ATG3: variants seen among roughly 807,000 people sequenced by gnomAD.
ATG3 encodes autophagy related 3.
A neutral mutation model predicts 50.7 loss-of-function variants in ATG3; 25 were observed. That is an observed-to-expected ratio of 0.49 (90% confidence interval 0.36 to 0.69). The LOEUF is 0.69. Ranked by LOEUF, ATG3 falls within the 30% of genes least tolerant of loss-of-function variation. The pLI is 0.00. For synonymous variants in ATG3, 119 were observed against 125.5 expected (o/e 0.95, Z 0.34); for missense variants, 281 against 376.0 (o/e 0.75, Z 2.09).
chr3:112,552,991 C>T (rs933509633), intron 3 of ATG3, among the ~76,000 whole-genome samples: 21 of 152,262 alleles, frequency 1.4e-4, no homozygotes, highest in African/African-American at 4.6e-4. Flanking sequence ...TTCAAAGAAC[C>T]AGAAGGTCAG....
intron 2 of ATG3, among the ~76,000 whole-genome samples, chr3:112,554,553 C>A (rs953945399): frequency 1.1e-4 from 16 of 152,208 alleles, no homozygotes; most frequent in African/African-American, 3.9e-4. Context: ...CCCGCCTGCA[C>A]CCAGGTGAAA....
intron 2 of ATG3, among the ~76,000 whole-genome samples, chr3:112,553,831 A>G (rs1246345264): frequency 6.6e-6 from 1 of 152,160 alleles, no homozygotes; most frequent in Admixed American, 6.5e-5. Flanking sequence ...CTCTTTTATT[A>G]TTTTTAAAAA....
At chr3:112,536,338 G>T in intron 10 of ATG3, 137 bp downstream of exon 10, 2 of 973,590 alleles carry the variant, frequency 2.1e-6, no homozygotes, top group Non-Finnish European at 2.9e-6. Flanking sequence ...AAATTTCTAA[G>T]GAGGACAAGA....
At chr3:112,537,921 C>A in intron 8 of ATG3, 31 bp from the exon 9 acceptor site, 1 of 1,548,074 alleles carries the variant, frequency 6.5e-7, no homozygotes, top group South Asian at 1.2e-5. Flanking sequence ...AAATTTACAA[C>A]CATTAAATCG....
At chr3:112,544,313 C>T (rs559363272) in intron 5 of ATG3, among the ~76,000 whole-genome samples, 3 of 152,012 alleles carry the variant, frequency 2.0e-5, no homozygotes, top group African/African-American at 7.2e-5. Flanking sequence ...AATATTTTAC[C>T]ATGAATTACT....
intron 2 of ATG3, among the ~76,000 whole-genome samples, chr3:112,556,209 G>A (rs1183185131): frequency 1.3e-5 from 2 of 152,228 alleles, no homozygotes; most frequent in Non-Finnish European, 2.9e-5. Flanking sequence ...TATAGATGAG[G>A]AAACATGAAG....
intron 4 of ATG3, among the ~76,000 whole-genome samples, chr3:112,549,798 C>CAAAAAAAAAAA (rs71631400): frequency 8.6e-6 from 1 of 116,800 alleles, no homozygotes. Context: ...TCAAAACAAC[C>CAAAAAAAAAAA]AAAAAAAAAA....
At chr3:112,553,751 T>C (rs183474871) in intron 2 of ATG3, among the ~76,000 whole-genome samples, 1 of 152,054 alleles carries the variant, frequency 6.6e-6, no homozygotes, top group Admixed American at 6.6e-5. Flanking sequence ...CTGAAAAAAA[T>C]TACTAAATAG....
chr3:112,532,847 T>A, intron 11 of ATG3, 67 bp from the exon 12 acceptor site: 1 of 1,443,284 alleles, frequency 6.9e-7, no homozygotes, highest in Non-Finnish European at 9.1e-7. Context: ...CATGTTGTAA[T>A]TATCCATTTT....
chr3:112,555,230 G>A (rs148050735), intron 2 of ATG3, among the ~76,000 whole-genome samples: 52 of 152,096 alleles, frequency 3.4e-4, no homozygotes, highest in Non-Finnish European at 6.0e-4. Context: ...AAAAAACACA[G>A]ACTCACACTG....
At chr3:112,537,166 C>T (rs1933088339) in intron 9 of ATG3, among the ~76,000 whole-genome samples, 1 of 152,024 alleles carries the variant, frequency 6.6e-6, no homozygotes, top group South Asian at 2.1e-4. Flanking sequence ...GAAAAAAAAT[C>T]TCACAAAAAG....
chr3:112,561,307 C>CG, intron 1 of ATG3, 150 bp downstream of exon 1: 1 of 758,816 alleles, frequency 1.3e-6, no homozygotes, highest in Admixed American at 2.6e-5. Flanking sequence ...GTTAAGACTA[C>CG]GGGTGGGGGC....
At chr3:112,551,412 A>G (rs186516459) in intron 3 of ATG3, among the ~76,000 whole-genome samples, 70 of 152,354 alleles carry the variant, frequency 4.6e-4, no homozygotes, top group African/African-American at 1.6e-3. Context: ...ACCTGGCTCT[A>G]GTGCTGATTT....
At chr3:112,543,043 A>G (rs1405634773) in intron 6 of ATG3, among the ~76,000 whole-genome samples, 1 of 152,096 alleles carries the variant, frequency 6.6e-6, no homozygotes, top group Non-Finnish European at 1.5e-5. Flanking sequence ...ACTGTAAATA[A>G]AAAAACAAAA....
At chr3:112,541,739 A>C in intron 7 of ATG3, 64 bp downstream of exon 7, 2 of 1,392,044 alleles carry the variant, frequency 1.4e-6, no homozygotes, top group Non-Finnish European at 2.0e-6. Flanking sequence ...CTTAATCCAC[A>C]TAAATTACAA....
chr3:112,545,866 T>C (rs1933355014), intron 5 of ATG3, among the ~76,000 whole-genome samples: 1 of 152,188 alleles, frequency 6.6e-6, no homozygotes. Flanking sequence ...CCATTCTAGA[T>C]ATTGCTGAAG....
intron 3 of ATG3, among the ~76,000 whole-genome samples, chr3:112,552,682 C>T (rs1306344992): frequency 5.4e-5 from 8 of 148,980 alleles, no homozygotes; most frequent in African/African-American, 1.7e-4. Flanking sequence ...GAGCCTCTCA[C>T]TCTGTTGCCC....
intron 7 of ATG3, among the ~76,000 whole-genome samples, chr3:112,540,547 T>G (rs533646263): frequency 5.9e-5 from 9 of 152,278 alleles, no homozygotes; most frequent in Admixed American, 5.9e-4. Flanking sequence ...ATACTCTATC[T>G]TTCTTGTTGC....
chr3:112,534,864 G>A (rs1488409656), intron 10 of ATG3: 1 of 151,852 alleles, frequency 6.6e-6, no homozygotes, highest in African/African-American at 2.4e-5. Context: ...TGTTTATTTA[G>A]CTGAGAATAA....
Sources: gnomAD v4.1 joint callset for allele counts (sites outside exome capture counted in the v4.1 genomes callset) on GRCh38, gnomAD v4.1.1 for gene constraint, MANE v1.5 for transcripts, NCBI Gene and HGNC (gene_info 2026-07-23, HGNC 2026-07-21) for gene names.